Variants in PTPRG observed in about 807,000 individuals in gnomAD.
PTPRG encodes protein tyrosine phosphatase receptor type G.
In PTPRG, 102 loss-of-function variants were observed where a neutral mutation model predicts 165.3. The ratio of observed to expected loss-of-function variants is 0.62; its 90% CI spans 0.53 to 0.73. PTPRG has a LOEUF of 0.73. Ranked by LOEUF, PTPRG falls within the 30% of genes least tolerant of loss-of-function variation. PTPRG has a pLI of 0.00. For synonymous variants in PTPRG, 675 were observed against 669.5 expected (o/e 1.01, Z -0.13); for missense variants, 1,866 against 1,861.4 (o/e 1.00, Z -0.05).
At chr3:62,226,426 G>C (rs1188592649) in intron 13 of PTPRG, among the ~76,000 whole-genome samples, 1 of 152,198 alleles carries the variant, frequency 6.6e-6, no homozygotes, top group Admixed American at 6.5e-5. Context: ...ATATTTTCAG[G>C]TGTTCTGGAA....
rs904042851 is a variant in PTPRG, at chr3:62,294,147, G to C, written c.*840G>C. 1 of 151,988 alleles carries C rather than the reference G, an allele frequency of 6.6e-6. No individual in the cohort carries two copies. Among genetic ancestry groups the C allele is most frequent in the Non-Finnish European group, 1.5e-5 (1 of 67,984 alleles). 9.4% of individuals were successfully genotyped at this position (151,988 alleles called of 1,614,324 possible). A position where few individuals can be genotyped will look rare whatever the true frequency, so the allele number is the denominator to read the frequency against. ...TACAACTCAGTTATGAGACCCTTTAGTTATTCTCCATTAATGCTTCTTAGT... is the reference window on the plus strand; with the variant it reads ...TACAACTCAGTTATGAGACCCTTTACTTATTCTCCATTAATGCTTCTTAGT... On this transcript the variant is annotated 3_prime_UTR_variant, in exon 30 of 30. Coordinates refer to ENST00000474889, the MANE Select transcript of PTPRG (RefSeq NM_002841.4).
chr3:61,602,716 C>T (rs1700903726), intron 1 of PTPRG, among the ~76,000 whole-genome samples: 1 of 152,156 alleles, frequency 6.6e-6, no homozygotes, highest in Non-Finnish European at 1.5e-5. Flanking sequence ...TGGTTTAGAC[C>T]TATAAGGGTG....
At chr3:62,072,019 A>G (rs1201715085) in intron 4 of PTPRG, among the ~76,000 whole-genome samples, 3 of 152,202 alleles carry the variant, frequency 2.0e-5, no homozygotes, top group Non-Finnish European at 4.4e-5. Context: ...ATGGACAGTG[A>G]CACATGTAGG....
chr3:61,738,261 T>G (rs2056485), intron 1 of PTPRG, among the ~76,000 whole-genome samples: 1 of 36,090 alleles, frequency 2.8e-5, no homozygotes, highest in Non-Finnish European at 4.4e-5. Flanking sequence ...TCCATTTTTA[T>G]ATATATATAT....
chr3:61,873,709 A>AT (rs200731571), intron 2 of PTPRG, among the ~76,000 whole-genome samples: 2 of 152,052 alleles, frequency 1.3e-5, no homozygotes, highest in Non-Finnish European at 2.9e-5. Flanking sequence ...TTCTCTGCTT[A>AT]TTTTTTATTT....
chr3:61,835,904 G>T (rs1264676291), intron 2 of PTPRG, among the ~76,000 whole-genome samples: 1 of 151,686 alleles, frequency 6.6e-6, no homozygotes, highest in Non-Finnish European at 1.5e-5. Context: ...GCCAGGCATG[G>T]TGGCACATGC....
Position 62,215,558 on chromosome 3 carries a change from C to T in PTPRG, c.2156-3293C>T, listed in dbSNP as rs969366329. On this transcript the variant is annotated intron_variant, in intron 12 of 29. Coordinates refer to ENST00000474889, the MANE Select transcript of PTPRG (RefSeq NM_002841.4). Reference sequence around the variant, plus strand: ...ACCCCCTACGGGAACCCCCCCCCCCCGCCAATTATTACACACTTTCACCAA... The same window carrying T: ...ACCCCCTACGGGAACCCCCCCCCCCTGCCAATTATTACACACTTTCACCAA... Among the ~76,000 whole-genome samples the T allele has an allele frequency of 4.9e-5, 7 of 143,836 alleles. No homozygotes were observed. In the East Asian group the frequency reaches 6.2e-4, roughly 13 times the overall value. The allele number at this position is 143,836 out of a possible 152,430, so 94.4% of individuals were successfully genotyped here.
chr3:61,776,354 T>G (rs2107054097), intron 2 of PTPRG, among the ~76,000 whole-genome samples: 1 of 152,254 alleles, frequency 6.6e-6, no homozygotes, highest in Middle Eastern at 3.4e-3. Flanking sequence ...TTCTCATTTT[T>G]ATTGGAATAA....
intron 2 of PTPRG, among the ~76,000 whole-genome samples, chr3:61,902,623 C>T (rs2038529018): frequency 6.6e-6 from 1 of 152,140 alleles, no homozygotes; most frequent in Non-Finnish European, 1.5e-5. Flanking sequence ...GCACTTATAT[C>T]ATAAATTTCT....
At chr3:61,887,930 C>A (rs2038097398) in intron 2 of PTPRG, among the ~76,000 whole-genome samples, 1 of 152,108 alleles carries the variant, frequency 6.6e-6, no homozygotes, top group African/African-American at 2.4e-5. Flanking sequence ...GTTATAGATT[C>A]AGTCAGAGAG....
intron 2 of PTPRG, among the ~76,000 whole-genome samples, chr3:61,804,530 A>G (rs1264139715): frequency 1.3e-5 from 2 of 152,192 alleles, no homozygotes; most frequent in East Asian, 1.9e-4. Flanking sequence ...AACCTTTTGT[A>G]TGAAAGGGTT....
chr3:62,047,372 G>T (rs1283416274), intron 4 of PTPRG, among the ~76,000 whole-genome samples: 1 of 152,056 alleles, frequency 6.6e-6, no homozygotes, highest in African/African-American at 2.4e-5. Context: ...CAATTCTCAT[G>T]CTTCAGCTTC....
chr3:61,607,167 TATC>T (rs963382066), intron 1 of PTPRG, among the ~76,000 whole-genome samples: 1 of 152,160 alleles, frequency 6.6e-6, no homozygotes, highest in Admixed American at 6.5e-5. Flanking sequence ...TCAACTTGGT[TATC>T]ATTCTAGGGG....
intron 2 of PTPRG, among the ~76,000 whole-genome samples, chr3:61,943,051 G>A (rs1488659880): frequency 6.6e-6 from 1 of 152,168 alleles, no homozygotes; most frequent in African/African-American, 2.4e-5. Context: ...ATGCTTGTTG[G>A]TCATTATAAA....
At chr3:62,104,036 G>A (rs555596016) in intron 5 of PTPRG, among the ~76,000 whole-genome samples, 1 of 152,176 alleles carries the variant, frequency 6.6e-6, no homozygotes, top group Non-Finnish European at 1.5e-5. Flanking sequence ...TTAGCTCAGG[G>A]TCTAGAGTAT....
intron 1 of PTPRG, among the ~76,000 whole-genome samples, chr3:61,612,538 C>T (rs75840119): frequency 0.028 from 4,272 of 152,252 alleles, 196 homozygotes; most frequent in African/African-American, 0.096. Flanking sequence ...GCACGAATTG[C>T]CTGATGGACT....
intron 6 of PTPRG, among the ~76,000 whole-genome samples, chr3:62,155,695 A>G (rs1332355623): frequency 6.6e-6 from 1 of 152,180 alleles, no homozygotes; most frequent in Non-Finnish European, 1.5e-5. Context: ...ATTATAATAT[A>G]GTTGATTCTT....
At chr3:61,957,702 G>GTGAC (rs894901185) in intron 2 of PTPRG, among the ~76,000 whole-genome samples, 1 of 152,226 alleles carries the variant, frequency 6.6e-6, no homozygotes, top group African/African-American at 2.4e-5. Context: ...TAGTCCTGGA[G>GTGAC]TGACTGGTCA....
intron 17 of PTPRG, among the ~76,000 whole-genome samples, chr3:62,266,479 C>A (rs1701878483): frequency 6.6e-6 from 1 of 151,986 alleles, no homozygotes; most frequent in African/African-American, 2.4e-5. Context: ...GATCCAGATG[C>A]CTTAGGAGAA....
Sources: allele counts gnomAD v4.1 joint callset (sites outside exome capture counted in the v4.1 genomes callset), GRCh38; gene constraint gnomAD v4.1.1; transcripts MANE v1.5; gene names NCBI Gene and HGNC (gene_info 2026-07-23, HGNC 2026-07-21).